Variants in SFXN1 observed in about 807,000 individuals in gnomAD.
SFXN1 encodes the protein sideroflexin-1.
A neutral mutation model predicts 39.5 loss-of-function variants in SFXN1; 32 were observed. The ratio of observed to expected loss-of-function variants is 0.81; its 90% CI spans 0.61 to 1.09. The LOEUF (loss-of-function observed/expected upper bound fraction) is 1.09, where lower values mean the gene tolerates loss of function less well. Among genes scored for constraint, SFXN1 ranks in the 50% least tolerant of loss-of-function variants. SFXN1 has a pLI of 0.00. For synonymous variants in SFXN1, 136 were observed against 146.5 expected (o/e 0.93, Z 0.52); for missense variants, 402 against 407.1 (o/e 0.99, Z 0.11).
chr5:175,510,552 G>A (rs955468659), intron 4 of SFXN1, among the ~76,000 whole-genome samples: 10 of 152,096 alleles, frequency 6.6e-5, no homozygotes, highest in East Asian at 1.9e-4. Context: ...AGGCTGTTCC[G>A]CCATCTACCC....
intron 2 of SFXN1, among the ~76,000 whole-genome samples, chr5:175,500,313 A>T (rs1760023739): frequency 6.6e-6 from 1 of 151,780 alleles, no homozygotes; most frequent in Non-Finnish European, 1.5e-5. Flanking sequence ...GTAATTTTGA[A>T]ATTTTTAAAA....
intron 1 of SFXN1, among the ~76,000 whole-genome samples, chr5:175,486,378 G>C (rs556676676): frequency 6.6e-6 from 1 of 152,294 alleles, no homozygotes; most frequent in East Asian, 1.9e-4. Context: ...TTCCCCTCTG[G>C]ACCTCAGCTT....
chr5:175,519,919 G>A (rs975175385), intron 8 of SFXN1, among the ~76,000 whole-genome samples: 10 of 145,046 alleles, frequency 6.9e-5, no homozygotes, highest in African/African-American at 1.6e-4. Flanking sequence ...CACCAGGCTG[G>A]AGTGCAATGA....
intron 2 of SFXN1, among the ~76,000 whole-genome samples, chr5:175,493,208 G>A (rs190549914): frequency 0.011 from 1,697 of 151,974 alleles, 8 homozygotes; most frequent in Middle Eastern, 0.027. Context: ...AGCCAGGATC[G>A]TGCCACTCGC....
intron 1 of SFXN1, among the ~76,000 whole-genome samples, chr5:175,482,253 ACT>A (rs1435958952): frequency 2.0e-5 from 3 of 152,220 alleles, no homozygotes; most frequent in African/African-American, 7.2e-5. Context: ...CCCTTTCATA[ACT>A]CTTTCAAAAT....
intron 8 of SFXN1, among the ~76,000 whole-genome samples, chr5:175,519,864 CTT>C (rs369561037): frequency 2.8e-4 from 22 of 77,250 alleles, no homozygotes; most frequent in Admixed American, 1.3e-3. Context: ...GGGTTTTTTG[CTT>C]TTTTTTTTTT....
chr5:175,504,740 C>A (rs914898933), intron 2 of SFXN1, among the ~76,000 whole-genome samples: 2 of 151,410 alleles, frequency 1.3e-5, no homozygotes, highest in African/African-American at 4.8e-5. Context: ...TTTTTTTGGG[C>A]GGGGAGGGTG....
rs1228543160 is a variant in SFXN1 at position 175,529,465 on chromosome 5, G to C, written c.*2731G>C. 1.5e-5 allele frequency: 2 copies of C among 137,082 alleles called. No individual in the cohort carries two copies. The highest frequency in any genetic ancestry group is 3.4e-5 in the African/African-American group (1 of 29,306). The allele number at this position is 137,082 out of a possible 1,614,324, so 8.5% of individuals were successfully genotyped here. A position where few individuals can be genotyped will look rare whatever the true frequency, so the allele number is the denominator to read the frequency against. ...AGCTATCAACTGTATGTTGATCACA[G>C]TTTATAAGAAAGAACAAATCAAGAT... On this transcript the variant is annotated 3_prime_UTR_variant, in exon 11 of 11. Coordinates refer to ENST00000321442, the MANE Select transcript of SFXN1 (RefSeq NM_022754.7).
chr5:175,504,747 G>GGTGC (rs1294728872), intron 2 of SFXN1, among the ~76,000 whole-genome samples: 3 of 151,854 alleles, frequency 2.0e-5, no homozygotes, highest in Non-Finnish European at 2.9e-5. Context: ...GGGCGGGGAG[G>GGTGC]GTGCGGAGTC....
intron 2 of SFXN1, among the ~76,000 whole-genome samples, chr5:175,501,360 G>C (rs188663924): frequency 4.6e-5 from 7 of 152,078 alleles, no homozygotes; most frequent in Admixed American, 1.3e-4. Flanking sequence ...GAGCCACCGC[G>C]CCCGGCAGTA....
In SFXN1 at chr5:175,513,595, G is replaced by A; in HGVS notation, c.724+5G>A. On this transcript the variant is annotated splice_donor_5th_base_variant and intron_variant, in intron 7 of 10. Transcript: ENST00000321442. ...TCATGGCAGCCCCTGGCATGGGTTA[G>A]CAGGACTTTGTCATTTATTCCATAA... 6.2e-7 allele frequency: 1 copy of A among 1,613,422 alleles called. No individual in the cohort carries two copies. Among genetic ancestry groups the A allele is most frequent in the South Asian group, 1.1e-5 (1 of 91,020 alleles).
At chr5:175,494,007 G>C (rs1190898785) in intron 2 of SFXN1, among the ~76,000 whole-genome samples, 2 of 152,094 alleles carry the variant, frequency 1.3e-5, no homozygotes, top group African/African-American at 4.8e-5. Flanking sequence ...TGGAAAAGAA[G>C]GGTACGAAAA....
chr5:175,480,528 G>A (rs1440516238), intron 1 of SFXN1, among the ~76,000 whole-genome samples: 1 of 152,192 alleles, frequency 6.6e-6, no homozygotes, highest in African/African-American at 2.4e-5. Context: ...GATATCTGTG[G>A]TTACAGTTGT....
rs1761147551 is a variant in SFXN1, at chr5:175,528,663, T to C, written c.*1929T>C. 2.0e-5 allele frequency: 3 copies of C among 152,198 alleles called. No homozygotes were observed. Among genetic ancestry groups the C allele is most frequent in the Admixed American group, 1.3e-4 (2 of 15,282 alleles). 9.4% of individuals were successfully genotyped at this position (152,198 alleles called of 1,614,324 possible). On this transcript the variant is annotated 3_prime_UTR_variant, in exon 11 of 11. Coordinates refer to ENST00000321442, the MANE Select transcript of SFXN1 (RefSeq NM_022754.7). ...TGAAAGGATTAATAGATCTGAAGCT[T>C]TGGGCCACTCAGAGCCTTCCTTGAT... is the stretch of plus-strand genomic sequence containing the variant.
chr5:175,485,298 A>G (rs1759409212), intron 1 of SFXN1, among the ~76,000 whole-genome samples: 1 of 152,250 alleles, frequency 6.6e-6, no homozygotes, highest in African/African-American at 2.4e-5. Context: ...TTAAAGCAAC[A>G]CAGATATATT....
rs548297287 is a variant in SFXN1, at chr5:175,490,130, T to C, written c.-9-1965T>C. Among the ~76,000 whole-genome samples the C allele has an allele frequency of 6.6e-5, 10 of 152,334 alleles. No individual in the cohort carries two copies. The South Asian group carries it at 1.7e-3, about 25-fold the overall frequency. ...ACCTGGGCTGGAAATCCAGGCCAGCTTTCTATGTCAAGAGTGGGATGTTTC... is the reference window on the plus strand; with the variant it reads ...ACCTGGGCTGGAAATCCAGGCCAGCCTTCTATGTCAAGAGTGGGATGTTTC... On this transcript the variant is annotated intron_variant, in intron 1 of 10. Coordinates refer to ENST00000321442, the MANE Select transcript of SFXN1 (RefSeq NM_022754.7).
chr5:175,498,932 C>T (rs1481075189), intron 2 of SFXN1, among the ~76,000 whole-genome samples: 1 of 152,120 alleles, frequency 6.6e-6, no homozygotes, highest in Non-Finnish European at 1.5e-5. Context: ...TGGCTTTACA[C>T]AGGTAAAGAA....
At chr5:175,510,728 C>T (rs1173111323) in intron 4 of SFXN1, among the ~76,000 whole-genome samples, 1 of 151,582 alleles carries the variant, frequency 6.6e-6, no homozygotes, top group Non-Finnish European at 1.5e-5. Flanking sequence ...TTTTTGTCAC[C>T]TGTTAAAAAA....
intron 6 of SFXN1, among the ~76,000 whole-genome samples, chr5:175,512,703 G>A (rs116521257): frequency 6.6e-6 from 1 of 152,142 alleles, no homozygotes; most frequent in African/African-American, 2.4e-5. Context: ...AAAAACAGGG[G>A]TAACGGTAGA....
Sources: allele counts gnomAD v4.1 joint callset (sites outside exome capture counted in the v4.1 genomes callset), GRCh38; gene constraint gnomAD v4.1.1; transcripts MANE v1.5; gene names NCBI Gene and HGNC (gene_info 2026-07-23, HGNC 2026-07-21).